Variants in ADAMTS17 observed in about 807,000 individuals in gnomAD.
ADAMTS17 encodes the protein A disintegrin and metalloproteinase with thrombospondin motifs 17.
ADAMTS17 carries 113 observed loss-of-function variants against 141.5 expected under a neutral mutation model. That is an observed-to-expected ratio of 0.80 (90% confidence interval 0.69 to 0.93). ADAMTS17 has a LOEUF of 0.93. Among genes scored for constraint, ADAMTS17 ranks in the 40% least tolerant of loss-of-function variants. The probability of loss-of-function intolerance (pLI) is 0.00; values close to 1 mark genes in which losing one functional copy is unlikely to be tolerated. For missense variants in ADAMTS17, 1,659 were observed against 1,517.9 expected (o/e 1.09, Z -1.54); for synonymous variants, 768 against 630.6 (o/e 1.22, Z -3.27).
intron 18 of ADAMTS17, among the ~76,000 whole-genome samples, chr15:100,029,675 G>A (rs1461111330): frequency 6.6e-6 from 1 of 152,120 alleles, no homozygotes; most frequent in African/African-American, 2.4e-5. Context: ...TGAGGTAACC[G>A]ACTACCTTTC....
At chr15:100,063,966 G>A (rs925130987) in intron 15 of ADAMTS17, among the ~76,000 whole-genome samples, 7 of 152,146 alleles carry the variant, frequency 4.6e-5, no homozygotes, top group African/African-American at 1.4e-4. Context: ...GTTTCAGGTT[G>A]AGTGGTGTCC....
intron 7 of ADAMTS17, among the ~76,000 whole-genome samples, chr15:100,249,449 G>T (rs2043084628): frequency 6.6e-6 from 1 of 152,216 alleles, no homozygotes. Context: ...CCAAAGGCCA[G>T]AATCTCCCTC....
intron 7 of ADAMTS17, among the ~76,000 whole-genome samples, chr15:100,203,376 C>T (rs1264206278): frequency 6.6e-6 from 1 of 152,200 alleles, no homozygotes; most frequent in Admixed American, 6.5e-5. Flanking sequence ...AGTTCAAGAC[C>T]AGCCTGGCCA....
intron 6 of ADAMTS17, among the ~76,000 whole-genome samples, chr15:100,259,135 A>C (rs2043430437): frequency 6.6e-6 from 1 of 152,246 alleles, no homozygotes; most frequent in Non-Finnish European, 1.5e-5. Flanking sequence ...AACTCTTCTC[A>C]AAGTAGAAAC....
At chr15:99,995,772 G>A (rs752528278) in intron 19 of ADAMTS17, among the ~76,000 whole-genome samples, 13 of 152,162 alleles carry the variant, frequency 8.5e-5, no homozygotes, top group Admixed American at 3.9e-4. Flanking sequence ...TACCAGCTTC[G>A]CGAGCTTCCC....
chr15:100,275,120 G>A (rs1371265160), intron 4 of ADAMTS17, among the ~76,000 whole-genome samples: 1 of 152,220 alleles, frequency 6.6e-6, no homozygotes. Flanking sequence ...ACCCTCTGAG[G>A]GGACATTTGC....
chr15:100,249,674 G>C (rs1016349400), intron 7 of ADAMTS17, among the ~76,000 whole-genome samples: 3 of 152,202 alleles, frequency 2.0e-5, no homozygotes, highest in South Asian at 2.1e-4. Flanking sequence ...CCCCCTTCCA[G>C]TAGGTGCCCT....
intron 3 of ADAMTS17, among the ~76,000 whole-genome samples, chr15:100,307,277 C>G (rs1025409441): frequency 2.6e-5 from 4 of 152,168 alleles, no homozygotes; most frequent in Non-Finnish European, 5.9e-5. Context: ...GCACGTGACC[C>G]AAGCAGGGCC....
chr15:100,206,268 G>A (rs184072446), intron 7 of ADAMTS17, among the ~76,000 whole-genome samples: 4 of 151,952 alleles, frequency 2.6e-5, no homozygotes, highest in Non-Finnish European at 4.4e-5. Context: ...CCAGCCTGCC[G>A]GATGGCTGCA....
At chr15:100,067,211 T>C (rs1018317546) in intron 15 of ADAMTS17, among the ~76,000 whole-genome samples, 3 of 151,864 alleles carry the variant, frequency 2.0e-5, no homozygotes, top group East Asian at 3.9e-4. Flanking sequence ...TCTTCCCTTA[T>C]GATATTGAGA....
chr15:100,053,047 C>T lies in ADAMTS17; in HGVS notation c.2295+850G>A, dbSNP rs75879210. On this transcript the variant is annotated intron_variant, in intron 16 of 21. Coordinates refer to ENST00000268070, the MANE Select transcript of ADAMTS17 (RefSeq NM_139057.4). ...CAGGCTGCCAGAGATCACAAATTAA[C>T]GGGGAAGAAGAACTTCCACGGAGAG... Among the ~76,000 whole-genome samples, 1,238 of 152,260 alleles carry T rather than the reference C, an allele frequency of 8.1e-3. 15 individuals are homozygous for T. The highest frequency in any genetic ancestry group is 0.029 in the African/African-American group (1,187 of 41,542).
chr15:100,037,660 C>T lies in ADAMTS17; in HGVS notation c.2591+11197G>A, dbSNP rs181315654. On this transcript the variant is annotated intron_variant, in intron 18 of 21. Coordinates refer to ENST00000268070, the MANE Select transcript of ADAMTS17 (RefSeq NM_139057.4). The stretch of plus-strand genomic sequence containing the variant: ...CTGAGCTCAGGAGATCCGTCTGCCT[C>T]GGCCTCCCAAAGTGCTGGGATTACA... 1.3e-4 allele frequency among the ~76,000 whole-genome samples: 19 copies of T among 151,444 alleles called. 1 individual carries two copies. The highest frequency in any genetic ancestry group is 3.6e-4 in the African/African-American group (15 of 41,216).
chr15:99,993,285 G>T lies in ADAMTS17; in HGVS notation c.2797-85C>A. ...CTATTAACTCCCTCCAATGTGCCAG[G>T]TGCGGTGTGGGGATGATACAAAGAT... On this transcript the variant is annotated intron_variant, in intron 19 of 21. Coordinates refer to ENST00000268070, the MANE Select transcript of ADAMTS17 (RefSeq NM_139057.4). The surrounding 1 kb of genome is among the most constrained non-coding windows in gnomAD (Gnocchi z 4.3). The T allele has an allele frequency of 6.4e-7, 1 of 1,556,720 alleles. No individual in the cohort carries two copies. The highest frequency in any genetic ancestry group is 1.7e-5 in the Admixed American group (1 of 59,950).
chr15:100,255,733 GA>G (rs1456307946), intron 6 of ADAMTS17, among the ~76,000 whole-genome samples: 3 of 152,124 alleles, frequency 2.0e-5, no homozygotes, highest in Admixed American at 2.0e-4. Context: ...GGCAAAGGGA[GA>G]AAGGGACCAA....
At chr15:100,081,952 C>T (rs2034766395) in intron 15 of ADAMTS17, among the ~76,000 whole-genome samples, 1 of 152,198 alleles carries the variant, frequency 6.6e-6, no homozygotes, top group Non-Finnish European at 1.5e-5. Flanking sequence ...ATGTCCATAA[C>T]ATATATTACT....
chr15:100,265,071 A>G (rs2043662843), intron 4 of ADAMTS17, among the ~76,000 whole-genome samples: 1 of 152,210 alleles, frequency 6.6e-6, no homozygotes, highest in Non-Finnish European at 1.5e-5. Flanking sequence ...TTTCCCCTTG[A>G]CATGTAACTA....
chr15:100,152,856 G>T, intron 9 of ADAMTS17, 94 bp from the exon 10 acceptor site: 3 of 1,495,098 alleles, frequency 2.0e-6, no homozygotes, highest in Non-Finnish European at 2.7e-6. Context: ...CAGTCACTGA[G>T]AAGAGGGCAC....
chr15:100,254,198 A>G lies in ADAMTS17; in HGVS notation c.1032-19T>C. 1 of 1,610,524 alleles carries G rather than the reference A, an allele frequency of 6.2e-7. No individual in the cohort carries two copies. The highest frequency in any genetic ancestry group is 2.2e-5 in the East Asian group (1 of 44,864). Reference sequence around the variant, plus strand: ...ATCTGTCCTAAAAAATAAAAAAGCCATCATCAGGTATATGCAGTATCCCCA... The same window carrying G: ...ATCTGTCCTAAAAAATAAAAAAGCCGTCATCAGGTATATGCAGTATCCCCA... On this transcript the variant is annotated intron_variant, in intron 6 of 21. Coordinates refer to ENST00000268070, the MANE Select transcript of ADAMTS17 (RefSeq NM_139057.4).
intron 20 of ADAMTS17, among the ~76,000 whole-genome samples, chr15:99,991,908 AAACT>A (rs1270066689): frequency 6.6e-6 from 1 of 152,196 alleles, no homozygotes; most frequent in African/African-American, 2.4e-5. Context: ...CATTCTCAGC[AAACT>A]AACACAGGAA....
Sources: gnomAD v4.1 joint callset for allele counts (sites outside exome capture counted in the v4.1 genomes callset) on GRCh38, gnomAD v4.1.1 for gene constraint, Gnocchi (gnomAD v3.1) non-coding constraint, MANE v1.5 for transcripts, NCBI Gene and HGNC (gene_info 2026-07-23, HGNC 2026-07-21) for gene names.